KHDRBS3: variants seen among roughly 807,000 people sequenced by gnomAD.
KHDRBS3 encodes KH domain-containing, RNA-binding, signal transduction-associated protein 3.
KHDRBS3 carries 23 observed loss-of-function variants against 45.6 expected under a neutral mutation model. The ratio of observed to expected loss-of-function variants is 0.50; its 90% CI spans 0.36 to 0.72. KHDRBS3 has a LOEUF of 0.72. KHDRBS3 is among the 30% of genes least tolerant of loss of function. KHDRBS3 has a pLI of 0.00. For synonymous variants in KHDRBS3, 162 were observed against 156.5 expected, an observed-to-expected ratio of 1.04 and a Z score of -0.26; for missense variants, 352 against 424.8, an observed-to-expected ratio of 0.83 and a Z score of 1.51.
chr8:135,530,978 T>TCACCC (rs1240288460), intron 2 of KHDRBS3, among the ~76,000 whole-genome samples: 3 of 152,208 alleles, frequency 2.0e-5, no homozygotes, highest in Non-Finnish European at 4.4e-5. Context: ...TTCATATCAT[T>TCACCC]CACCCCACTT....
chr8:135,579,366 T>C (rs1828096133), intron 5 of KHDRBS3, among the ~76,000 whole-genome samples: 1 of 152,174 alleles, frequency 6.6e-6, no homozygotes, highest in Non-Finnish European at 1.5e-5. Context: ...AGAGTCTCGC[T>C]CTGTCACCCA....
intron 4 of KHDRBS3, among the ~76,000 whole-genome samples, chr8:135,552,582 T>C (rs1193023018): frequency 1.3e-5 from 2 of 152,188 alleles, no homozygotes; most frequent in Non-Finnish European, 2.9e-5. Context: ...GTATTTTCGA[T>C]AACATAGCAA....
chr8:135,629,973 C>T (rs2131132381), intron 7 of KHDRBS3, among the ~76,000 whole-genome samples: 1 of 152,300 alleles, frequency 6.6e-6, no homozygotes, highest in South Asian at 2.1e-4. Flanking sequence ...CGAGGGGAAA[C>T]ATTCTGCTGC....
chr8:135,543,475 T>C (rs996213372), intron 3 of KHDRBS3, among the ~76,000 whole-genome samples: 2 of 152,184 alleles, frequency 1.3e-5, no homozygotes, highest in Non-Finnish European at 2.9e-5. Flanking sequence ...CATTGAGTGA[T>C]CACATACCGT....
At chr8:135,524,140 C>G (rs935087139) in intron 2 of KHDRBS3, among the ~76,000 whole-genome samples, 1 of 151,926 alleles carries the variant, frequency 6.6e-6, no homozygotes, top group African/African-American at 2.4e-5. Context: ...CCCAGTCTCC[C>G]GAGTAGCTGG....
rs1434440646 is a variant in KHDRBS3, at chr8:135,457,978, C to T, written c.88+24C>T. On this transcript the variant is annotated intron_variant, in intron 1 of 8. Coordinates refer to ENST00000355849, the MANE Select transcript of KHDRBS3 (RefSeq NM_006558.3). The surrounding 1 kb of genome is among the most constrained non-coding windows in gnomAD (Gnocchi z 4.4). ...AGGTGAGGCGCCGGCCGTTAACTGCCGGCCGGCGGCGGTTGGGGGCCGGGT... is the reference window on the plus strand; with the variant it reads ...AGGTGAGGCGCCGGCCGTTAACTGCTGGCCGGCGGCGGTTGGGGGCCGGGT... 27 of 1,563,242 alleles carry T rather than the reference C, an allele frequency of 1.7e-5. No individual in the cohort carries two copies. The highest frequency in any genetic ancestry group is 2.2e-5 in the Non-Finnish European group (26 of 1,156,082).
intron 6 of KHDRBS3, among the ~76,000 whole-genome samples, chr8:135,585,215 C>T (rs1417773962): frequency 1.2e-4 from 15 of 121,610 alleles, no homozygotes; most frequent in African/African-American, 4.2e-4. Context: ...GGTGACAGAG[C>T]GAGACTCCGT....
intron 5 of KHDRBS3, among the ~76,000 whole-genome samples, chr8:135,567,406 T>C (rs370521327): frequency 5.3e-5 from 8 of 152,238 alleles, no homozygotes; most frequent in African/African-American, 1.9e-4. Flanking sequence ...TGTTTAATTA[T>C]TGAAATGTAC....
intron 7 of KHDRBS3, chr8:135,626,127 A>G (rs1449114188): frequency 1.2e-5 from 6 of 498,476 alleles, no homozygotes; most frequent in African/African-American, 9.5e-5. Flanking sequence ...CTGCTTTAAT[A>G]TCATTAACAG....
Position 135,609,323 on chromosome 8 carries a change from T to TC in KHDRBS3, c.890+2290dup, listed in dbSNP as rs1474881917. On this transcript the variant is annotated intron_variant, in intron 7 of 8. Transcript: ENST00000355849. ...TTTTTTTACTTTGTAAATTTTTTTTTCCCCTCTGTCACCCAGGCTGGAATG... is the reference window on the plus strand; with the variant it reads ...TTTTTTTACTTTGTAAATTTTTTTTTCCCCCTCTGTCACCCAGGCTGGAATG... 2.0e-5 allele frequency among the ~76,000 whole-genome samples: 3 copies of TC among 152,022 alleles called. No individual in the cohort carries two copies. In the East Asian group the frequency reaches 5.8e-4, roughly 29 times the overall value.
chr8:135,538,497 T>C lies in KHDRBS3; in HGVS notation c.208-4157T>C, dbSNP rs1825882288. ...AGCACTTTCCAGAAACACAAAAGGGTGGGGAGATTTTGTAATCATCACTGT... is the reference window on the plus strand; with the variant it reads ...AGCACTTTCCAGAAACACAAAAGGGCGGGGAGATTTTGTAATCATCACTGT... On this transcript the variant is annotated intron_variant, in intron 2 of 8. Transcript: ENST00000355849. The C allele has an allele frequency of 2.6e-5, 4 of 151,884 alleles. No homozygotes were observed. In the South Asian group the frequency reaches 8.3e-4, roughly 31 times the overall value. 9.4% of individuals were successfully genotyped at this position (151,884 alleles called of 1,614,324 possible).
chr8:135,602,439 C>T (rs536867703), intron 6 of KHDRBS3, among the ~76,000 whole-genome samples: 35 of 152,164 alleles, frequency 2.3e-4, no homozygotes, highest in Middle Eastern at 3.4e-3. Context: ...ATAAAAATAT[C>T]GAAGTCAATA....
chr8:135,629,576 C>G (rs1056474722), intron 7 of KHDRBS3, among the ~76,000 whole-genome samples: 6 of 152,176 alleles, frequency 3.9e-5, no homozygotes, highest in Admixed American at 2.0e-4. Flanking sequence ...GCCTTTAATC[C>G]AAACTCTGGG....
chr8:135,558,703 A>C (rs1187774390), intron 5 of KHDRBS3, among the ~76,000 whole-genome samples: 1 of 152,160 alleles, frequency 6.6e-6, no homozygotes, highest in Non-Finnish European at 1.5e-5. Context: ...TCTACCATTA[A>C]ATTTACTTGA....
chr8:135,482,964 C>A (rs1356046521), intron 1 of KHDRBS3, among the ~76,000 whole-genome samples: 1 of 151,286 alleles, frequency 6.6e-6, no homozygotes, highest in Non-Finnish European at 1.5e-5. Context: ...TCCATCAGAA[C>A]ATCTAGGAAA....
intron 5 of KHDRBS3, among the ~76,000 whole-genome samples, chr8:135,579,575 G>A (rs1012869992): frequency 6.6e-6 from 1 of 152,170 alleles, no homozygotes; most frequent in Admixed American, 6.5e-5. Context: ...GATCTCAAGT[G>A]ATCCACCCAT....
At chr8:135,516,104 A>T (rs1392651075) in intron 1 of KHDRBS3, among the ~76,000 whole-genome samples, 1 of 152,226 alleles carries the variant, frequency 6.6e-6, no homozygotes, top group East Asian at 1.9e-4. Context: ...GCCAGAGTAC[A>T]TGTTACCATA....
At chr8:135,525,731 A>G (rs1043928082) in intron 2 of KHDRBS3, among the ~76,000 whole-genome samples, 1 of 152,200 alleles carries the variant, frequency 6.6e-6, no homozygotes, top group Non-Finnish European at 1.5e-5. Context: ...AAACCTTTGT[A>G]TATTGATTCT....
At chr8:135,652,423 C>G (rs748402009), downstream of KHDRBS3, among the ~76,000 whole-genome samples, 1 of 152,210 alleles carries the variant, frequency 6.6e-6, no homozygotes, top group African/African-American at 2.4e-5. Flanking sequence ...CTCCTTGGCT[C>G]TGAACCTCAA....
Sources: gnomAD v4.1 joint callset for allele counts (sites outside exome capture counted in the v4.1 genomes callset) on GRCh38, gnomAD v4.1.1 for gene constraint, Gnocchi (gnomAD v3.1) non-coding constraint, MANE v1.5 for transcripts, NCBI Gene and HGNC (gene_info 2026-07-23, HGNC 2026-07-21) for gene names.